The following CHD2 variants were observed in gnomAD, a reference collection of about 807,000 sequenced individuals.
CHD2 encodes chromodomain helicase DNA binding protein 2.
In CHD2, 28 loss-of-function variants were observed where a neutral mutation model predicts 243.9. That is an observed-to-expected ratio of 0.11 (90% CI 0.09 to 0.16). The LOEUF is 0.16. Ranked by LOEUF, CHD2 falls within the 10% of genes least tolerant of loss-of-function variation. CHD2 has a pLI of 1.00. For missense variants in CHD2, 1,386 were observed against 2,209.8 expected, an observed-to-expected ratio of 0.63 and a Z score of 7.47; for synonymous variants, 775 against 779.0, an observed-to-expected ratio of 0.99 and a Z score of 0.09.
intron 6 of CHD2, among the ~76,000 whole-genome samples, chr15:92,938,514 G>A (rs975791785): frequency 8.5e-5 from 13 of 152,118 alleles, no homozygotes; most frequent in African/African-American, 3.1e-4. Context: ...CTCTGGCCTA[G>A]GACATTGTAC....
chr15:92,955,931 A>G (rs2053612657), intron 15 of CHD2, among the ~76,000 whole-genome samples: 1 of 152,200 alleles, frequency 6.6e-6, no homozygotes. Flanking sequence ...TTGTTAAGGC[A>G]TTTCTCCAGA....
In CHD2 at chr15:92,919,189, T is replaced by TC. The variant is rs1025170346; in HGVS notation, c.63-5131dup. 2.9e-4 allele frequency among the ~76,000 whole-genome samples: 44 copies of TC among 151,616 alleles called. 1 individual carries two copies. Among genetic ancestry groups the TC allele is most frequent in the African/African-American group, 1.0e-3 (43 of 41,296 alleles). On this transcript the variant is annotated intron_variant, in intron 2 of 38. Transcript: ENST00000394196. ...CACTTTTTTTTTTTTTGAGACGGAG[T>TC]CTGGCTGTGTCATCCAGGCTGGAGT... is the stretch of plus-strand genomic sequence containing the variant.
chr15:92,951,736 T>C (rs1434256167), intron 13 of CHD2, among the ~76,000 whole-genome samples: 1 of 152,156 alleles, frequency 6.6e-6, no homozygotes, highest in Non-Finnish European at 1.5e-5. Flanking sequence ...AGGAAATTAC[T>C]CAAAGGAATA....
intron 20 of CHD2, among the ~76,000 whole-genome samples, chr15:92,975,472 A>T (rs2053895579): frequency 6.6e-6 from 1 of 152,204 alleles, no homozygotes; most frequent in Admixed American, 6.5e-5. Flanking sequence ...ACTTAGGATG[A>T]AATAGAAGGT....
At chr15:92,932,957 G>A (rs886153527) in intron 5 of CHD2, among the ~76,000 whole-genome samples, 1 of 151,816 alleles carries the variant, frequency 6.6e-6, no homozygotes, top group Non-Finnish European at 1.5e-5. Flanking sequence ...TGCCCAGGCT[G>A]GTCTTGAACT....
intron 28 of CHD2, among the ~76,000 whole-genome samples, chr15:92,995,018 A>G (rs564191255): frequency 1.3e-5 from 2 of 152,362 alleles, no homozygotes; most frequent in South Asian, 4.1e-4. Flanking sequence ...TAAAAATGTT[A>G]ACATAATTAC....
chr15:92,942,875 G>C lies in CHD2; in HGVS notation c.859G>C (p.Glu287Gln), dbSNP rs1318947427. ...TGASTTVYAI[E>Q]ANGDPSGDFD... The stretch of plus-strand genomic sequence containing the variant: ...AGCATCTACTACTGTATATGCGATT[G>C]AAGCTAATGGCGACCCTAGTGGTGA... The change falls in exon 9 of 39, where the codon GAA (glutamate) becomes CAA (glutamine). Residue 287 changes from glutamate to glutamine, a missense_variant. This residue lies in a region of CHD2 where 200 missense variants were observed against 292.5 expected (regional missense o/e 0.68). Coordinates refer to ENST00000394196, the MANE Select transcript of CHD2 (RefSeq NM_001271.4). 6.2e-7 allele frequency: 1 copy of C among 1,613,506 alleles called. No homozygotes were observed. Among genetic ancestry groups the C allele is most frequent in the Non-Finnish European group, 8.5e-7 (1 of 1,179,862 alleles).
intron 35 of CHD2, among the ~76,000 whole-genome samples, chr15:93,009,904 T>G (rs1397314982): frequency 6.6e-6 from 1 of 152,238 alleles, no homozygotes. Context: ...TTCAATAGTT[T>G]TAGGGAAACA....
chr15:92,940,777 A>ATAT (rs1429167709), intron 7 of CHD2, among the ~76,000 whole-genome samples: 2 of 142,440 alleles, frequency 1.4e-5, no homozygotes, highest in Admixed American at 7.1e-5. Context: ...ATATATAAAA[A>ATAT]ATATAAAAAA....
At chr15:92,956,410 T>G (rs2053618435) in intron 15 of CHD2, 49 bp from the exon 16 acceptor site, 2 of 1,411,292 alleles carry the variant, frequency 1.4e-6, no homozygotes, top group East Asian at 2.3e-5. Context: ...AAAGCACTTG[T>G]GGGTTCCCTT....
chr15:92,925,730 T>C (rs1474896619), intron 3 of CHD2, among the ~76,000 whole-genome samples: 1 of 152,198 alleles, frequency 6.6e-6, no homozygotes, highest in African/African-American at 2.4e-5. Flanking sequence ...ACCATTTGGT[T>C]ATTCCTAACT....
At chr15:92,996,914 C>G (rs370908223) in intron 28 of CHD2, 43 bp from the exon 29 acceptor site, 2 of 1,579,248 alleles carry the variant, frequency 1.3e-6, no homozygotes, top group Admixed American at 1.9e-5. Context: ...TGTGGAACTT[C>G]TGCAGATTTT....
rs1252982175 is a variant in CHD2 at position 92,940,754 on chromosome 15, CATATATAAAAAT to C, written c.692+1048_693-1045del. ...ATTGTTAATATGTGATAGGAAGTTA[CATATATAAAAAT>C]ATATATAAAAAATATAAAAAATATA... On this transcript the variant is annotated intron_variant, in intron 7 of 38. Transcript: ENST00000394196. Among the ~76,000 whole-genome samples the C allele has an allele frequency of 2.9e-5, 4 of 136,070 alleles. 1 individual carries two copies. Among genetic ancestry groups the C allele is most frequent in the South Asian group, 4.4e-4 (2 of 4,508 alleles). 89.3% of individuals were successfully genotyped at this position (136,070 alleles called of 152,430 possible).
chr15:92,918,869 A>AT (rs1006878230), intron 2 of CHD2, among the ~76,000 whole-genome samples: 1 of 151,266 alleles, frequency 6.6e-6, no homozygotes, highest in African/African-American at 2.4e-5. Context: ...ATATATATAT[A>AT]TTTTTTGAGA....
chr15:93,012,618 A>G (rs2054406792), intron 36 of CHD2, among the ~76,000 whole-genome samples, 174 bp downstream of exon 36: 3 of 152,236 alleles, frequency 2.0e-5, no homozygotes, highest in Non-Finnish European at 2.9e-5. Flanking sequence ...GGAGCCTAAC[A>G]TGGTTGAAAT....
In CHD2 at chr15:92,955,608, A is replaced by G. The variant is rs2053608582; in HGVS notation, c.1809+96A>G. ...GTTCTGTGGAGCATGTTAGAAATAA[A>G]TACTTGAAAGTTAAAAATAAAAAAC... On this transcript the variant is annotated intron_variant, in intron 15 of 38. Transcript: ENST00000394196. 8.4e-6 allele frequency: 6 copies of G among 710,202 alleles called. No individual in the cohort carries two copies. The Admixed American group carries it at 1.2e-4, about 14-fold the overall frequency. The allele number at this position is 710,202 out of a possible 1,614,324, so 44.0% of individuals were successfully genotyped here. A position where few individuals can be genotyped will look rare whatever the true frequency, so the allele number is the denominator to read the frequency against.
At chr15:92,981,343 G>A (rs754678967) in intron 23 of CHD2, 22 bp from the exon 24 acceptor site, 15 of 1,579,376 alleles carry the variant, frequency 9.5e-6, no homozygotes, top group South Asian at 5.6e-5. Flanking sequence ...TATTCTATTC[G>A]TGTTGGCTTT....
chr15:93,019,869 A>G (rs1044495733), intron 37 of CHD2, 143 bp from the exon 38 acceptor site: 3 of 970,108 alleles, frequency 3.1e-6, no homozygotes, highest in Admixed American at 2.9e-5. Context: ...AGAGATGGAG[A>G]TTGCAGTGAT....
intron 2 of CHD2, 94 bp from the exon 3 acceptor site, chr15:92,924,227 T>C (rs2053014773): frequency 1.9e-6 from 2 of 1,026,698 alleles, no homozygotes; most frequent in South Asian, 1.5e-5. Context: ...CTAAAATTAC[T>C]ATCTGCAAAT....
Sources: gnomAD v4.1 joint callset for allele counts (sites outside exome capture counted in the v4.1 genomes callset) on GRCh38, gnomAD v4.1.1 for gene constraint, gnomAD v4.1.1 regional missense constraint, MANE v1.5 for transcripts, NCBI Gene and HGNC (gene_info 2026-07-23, HGNC 2026-07-21) for gene names.